PRKAG2: variants seen among roughly 807,000 people sequenced by gnomAD.
PRKAG2 encodes the protein protein kinase AMP-activated non-catalytic subunit gamma 2, also known as 5'-AMP-activated protein kinase subunit gamma-2.
Under a neutral mutation model 69.6 loss-of-function variants are expected in PRKAG2, and 26 were observed. That is an observed-to-expected ratio of 0.37 (90% CI 0.27 to 0.52). PRKAG2 has a LOEUF of 0.52. PRKAG2 is among the 20% of genes least tolerant of loss of function. PRKAG2 has a pLI of 0.90. For synonymous variants in PRKAG2, 293 were observed against 285.0 expected (o/e 1.03, Z -0.28); for missense variants, 557 against 740.0 (o/e 0.75, Z 2.87).
intron 5 of PRKAG2, among the ~76,000 whole-genome samples, chr7:151,601,768 C>A (rs1411234770): frequency 6.6e-6 from 1 of 152,164 alleles, no homozygotes; most frequent in African/African-American, 2.4e-5. Flanking sequence ...GTGAGGCACC[C>A]GCAGCATCCA....
intron 9 of PRKAG2, chr7:151,572,440 C>G (rs1417707277): frequency 2.6e-6 from 1 of 378,672 alleles, no homozygotes; most frequent in Admixed American, 4.3e-5. Context: ...AAGGCCTTGC[C>G]TGCTGAAGGT....
At chr7:151,691,173 G>T (rs762752777) in intron 3 of PRKAG2, among the ~76,000 whole-genome samples, 6 of 152,102 alleles carry the variant, frequency 3.9e-5, no homozygotes, top group Non-Finnish European at 7.3e-5. Context: ...ACGTGCATAT[G>T]ACCTATACAC....
At chr7:151,687,744 G>T (rs919818758) in intron 3 of PRKAG2, among the ~76,000 whole-genome samples, 2 of 152,210 alleles carry the variant, frequency 1.3e-5, no homozygotes. Context: ...CCGCAGCCCA[G>T]GGCCTTGCTC....
intron 6 of PRKAG2, among the ~76,000 whole-genome samples, chr7:151,579,447 G>A (rs1441476152): frequency 6.6e-6 from 1 of 152,188 alleles, no homozygotes; most frequent in Non-Finnish European, 1.5e-5. Flanking sequence ...CATAGCTATT[G>A]AAAACCTATG....
At chr7:151,813,770 T>C (rs1046852867) in intron 1 of PRKAG2, among the ~76,000 whole-genome samples, 1 of 152,174 alleles carries the variant, frequency 6.6e-6, no homozygotes, top group Non-Finnish European at 1.5e-5. Flanking sequence ...CCCTCCCATC[T>C]GCTGCTTCTT....
At chr7:151,705,118 A>G (rs755012649) in intron 3 of PRKAG2, among the ~76,000 whole-genome samples, 3 of 152,230 alleles carry the variant, frequency 2.0e-5, no homozygotes, top group Non-Finnish European at 4.4e-5. Flanking sequence ...ACCTTCTGAT[A>G]AAACGTAAAT....
intron 5 of PRKAG2, among the ~76,000 whole-genome samples, chr7:151,617,498 T>G (rs1820465207): frequency 6.6e-6 from 1 of 152,224 alleles, no homozygotes; most frequent in South Asian, 2.1e-4. Flanking sequence ...CCATTTCATA[T>G]GTTTGGAAAT....
intron 3 of PRKAG2, chr7:151,736,335 G>C (rs1285763382): frequency 1.8e-6 from 2 of 1,112,122 alleles, no homozygotes; most frequent in Non-Finnish European, 2.2e-6. Context: ...CTTCGCAGGG[G>C]ATTTGTTGAT....
chr7:151,677,319 T>C (rs777987020), intron 3 of PRKAG2, among the ~76,000 whole-genome samples: 5 of 152,178 alleles, frequency 3.3e-5, no homozygotes, highest in Non-Finnish European at 7.3e-5. Context: ...CCTGAGTAGC[T>C]GGGATTACAG....
At chr7:151,738,460 C>T (rs2073622725) in intron 3 of PRKAG2, among the ~76,000 whole-genome samples, 3 of 152,286 alleles carry the variant, frequency 2.0e-5, no homozygotes, top group African/African-American at 7.2e-5. Context: ...AAAATCTCTG[C>T]AGCACTGTGA....
intron 3 of PRKAG2, among the ~76,000 whole-genome samples, chr7:151,686,777 C>A (rs2151512783): frequency 6.6e-6 from 1 of 152,330 alleles, no homozygotes; most frequent in South Asian, 2.1e-4. Context: ...ATATTTCAAT[C>A]TGGAGTAAGG....
At chr7:151,560,136 C>G (rs919354019) in intron 15 of PRKAG2, 1 of 984,996 alleles carries the variant, frequency 1.0e-6, no homozygotes. Context: ...TTTTTTTTCT[C>G]TTTAAGGAAA....
chr7:151,713,167 G>A (rs113293675), intron 3 of PRKAG2, among the ~76,000 whole-genome samples: 92 of 152,314 alleles, frequency 6.0e-4, no homozygotes, highest in African/African-American at 2.2e-3. Context: ...CAAAACTCCC[G>A]GAAGGACAGG....
chr7:151,641,153 G>C (rs1022154429), intron 4 of PRKAG2, among the ~76,000 whole-genome samples: 2 of 151,688 alleles, frequency 1.3e-5, no homozygotes, highest in African/African-American at 4.8e-5. Context: ...TTCGCTGGCA[G>C]TATGAGATCC....
chr7:151,568,575 G>A (rs1806815681), intron 11 of PRKAG2, 141 bp downstream of exon 11: 2 of 858,300 alleles, frequency 2.3e-6, no homozygotes, highest in Non-Finnish European at 3.7e-6. Context: ...AGAGTAGTAA[G>A]TTGAGAAACT....
At chr7:151,677,876 T>A (rs994290282) in intron 3 of PRKAG2, among the ~76,000 whole-genome samples, 3 of 152,266 alleles carry the variant, frequency 2.0e-5, no homozygotes, top group African/African-American at 7.2e-5. Flanking sequence ...CGGAGTCTAC[T>A]CTGGCTCAGA....
intron 3 of PRKAG2, among the ~76,000 whole-genome samples, chr7:151,703,717 T>G (rs1051853857): frequency 6.6e-6 from 1 of 151,962 alleles, no homozygotes; most frequent in Non-Finnish European, 1.5e-5. Flanking sequence ...TTAAAAAAAT[T>G]TTTTTGGCTG....
At position 151,661,949 on chromosome 7, in the gene PRKAG2, G is replaced by A. The variant is rs577113000; in HGVS notation, c.684+13471C>T. 1.4e-4 allele frequency among the ~76,000 whole-genome samples: 22 copies of A among 152,242 alleles called. No homozygotes were observed. In the South Asian group the frequency reaches 4.1e-3, roughly 29 times the overall value. On this transcript the variant is annotated intron_variant, in intron 4 of 15. Coordinates refer to ENST00000287878, the MANE Select transcript of PRKAG2 (RefSeq NM_016203.4). ...TGCTTATGAATTAGGGGACAGTCCCGGTTCTGAGCTGAAGGAATTCTCATC... is the reference window on the plus strand; with the variant it reads ...TGCTTATGAATTAGGGGACAGTCCCAGTTCTGAGCTGAAGGAATTCTCATC...
At chr7:151,844,958 C>A (rs1234612591) in intron 1 of PRKAG2, among the ~76,000 whole-genome samples, 1 of 151,984 alleles carries the variant, frequency 6.6e-6, no homozygotes, top group Admixed American at 6.6e-5. Flanking sequence ...CCCTGGGACA[C>A]GGGGACGTCA....
Sources: gnomAD v4.1 joint callset for allele counts (sites outside exome capture counted in the v4.1 genomes callset) on GRCh38, gnomAD v4.1.1 for gene constraint, MANE v1.5 for transcripts, NCBI Gene and HGNC (gene_info 2026-07-23, HGNC 2026-07-21) for gene names.